ATP9B: variants seen among roughly 807,000 people sequenced by gnomAD.
The protein encoded by ATP9B is probable phospholipid-transporting ATPase IIB.
Under a neutral mutation model 146.1 loss-of-function variants are expected in ATP9B, and 110 were observed. That is an observed-to-expected ratio of 0.75 (90% confidence interval 0.65 to 0.88). ATP9B has a LOEUF of 0.88. Among genes scored for constraint, ATP9B ranks in the 40% least tolerant of loss-of-function variants. The pLI is 0.00. For missense variants in ATP9B, 1,499 were observed against 1,496.4 expected (o/e 1.00, Z -0.03); for synonymous variants, 604 against 569.7 (o/e 1.06, Z -0.86).
At chr18:79,097,483 ATTTTTTAT>A (rs1365208214) in intron 2 of ATP9B, among the ~76,000 whole-genome samples, 5 of 143,422 alleles carry the variant, frequency 3.5e-5, no homozygotes, top group African/African-American at 1.3e-4. Context: ...AATTTTTTTA[ATTTTTTAT>A]TTTTTTATTT....
chr18:79,284,143 G>A (rs2096408898), intron 13 of ATP9B, among the ~76,000 whole-genome samples: 1 of 152,172 alleles, frequency 6.6e-6, no homozygotes, highest in South Asian at 2.1e-4. Flanking sequence ...AGTTTGTAAG[G>A]GCAGGCAAGC....
chr18:79,233,680 G>C (rs977697471), intron 11 of ATP9B, among the ~76,000 whole-genome samples: 3 of 152,300 alleles, frequency 2.0e-5, no homozygotes, highest in East Asian at 1.9e-4. Flanking sequence ...AGGAAATACA[G>C]TTGACCAATG....
At chr18:79,348,776 G>A (rs2096906473) in intron 25 of ATP9B, among the ~76,000 whole-genome samples, 1 of 152,240 alleles carries the variant, frequency 6.6e-6, no homozygotes, top group East Asian at 1.9e-4. Flanking sequence ...GAGGTCAGGA[G>A]TTCGAGACCA....
chr18:79,302,121 G>T (rs969263138), intron 13 of ATP9B, among the ~76,000 whole-genome samples: 1 of 152,168 alleles, frequency 6.6e-6, no homozygotes, highest in African/African-American at 2.4e-5. Context: ...TGGATATTTT[G>T]CAACCATAAA....
In ATP9B at chr18:79,239,958, G is replaced by A. The variant is rs967635670; in HGVS notation, c.1108-13423G>A. On this transcript the variant is annotated intron_variant, in intron 11 of 29. Coordinates refer to ENST00000426216, the MANE Select transcript of ATP9B (RefSeq NM_198531.5). The surrounding 1 kb of genome is among the most constrained non-coding windows in gnomAD (Gnocchi z 5.1). Reference sequence around the variant, plus strand: ...TCAGCGGTGACCAGCAGATCACCACGCCTCAGGGGCCCCACACCCGCGGTC... The same window carrying A: ...TCAGCGGTGACCAGCAGATCACCACACCTCAGGGGCCCCACACCCGCGGTC... Among the ~76,000 whole-genome samples, 19 of 152,188 alleles carry A rather than the reference G, an allele frequency of 1.2e-4. No individual in the cohort carries two copies. Among genetic ancestry groups the A allele is most frequent in the African/African-American group, 4.1e-4 (17 of 41,460 alleles).
At chr18:79,085,433 G>C (rs1381492446) in intron 1 of ATP9B, 2 of 152,150 alleles carry the variant, frequency 1.3e-5, no homozygotes, top group African/African-American at 4.8e-5. Context: ...AGATGTTACG[G>C]TTTTCATATG....
intron 11 of ATP9B, among the ~76,000 whole-genome samples, chr18:79,217,857 AATCTC>A (rs2095642353): frequency 6.6e-6 from 1 of 152,234 alleles, no homozygotes; most frequent in Non-Finnish European, 1.5e-5. Flanking sequence ...GTACAGGGGA[AATCTC>A]ATCTCATCCT....
At chr18:79,301,615 T>C (rs982980037) in intron 13 of ATP9B, among the ~76,000 whole-genome samples, 11 of 152,194 alleles carry the variant, frequency 7.2e-5, no homozygotes, top group African/African-American at 2.7e-4. Context: ...TTAACAAGAG[T>C]AGCATGACAA....
intron 26 of ATP9B, chr18:79,361,910 C>CAA (rs1295632862): frequency 1.8e-6 from 1 of 571,092 alleles, no homozygotes; most frequent in Non-Finnish European, 2.2e-6. Flanking sequence ...GCCCTGCTCT[C>CAA]AACAAGTCTG....
intron 12 of ATP9B, among the ~76,000 whole-genome samples, chr18:79,261,534 A>G (rs1332014919): frequency 1.3e-5 from 2 of 151,756 alleles, no homozygotes; most frequent in African/African-American, 2.4e-5. Context: ...AGAGCAGCCC[A>G]CCTCCACCCT....
At chr18:79,195,152 G>T (rs1020028952) in intron 9 of ATP9B, among the ~76,000 whole-genome samples, 3 of 152,156 alleles carry the variant, frequency 2.0e-5, no homozygotes, top group African/African-American at 7.2e-5. Flanking sequence ...ACTTCATTGT[G>T]CCTGTAGAAG....
At chr18:79,333,830 G>A (rs978202344) in intron 17 of ATP9B, among the ~76,000 whole-genome samples, 1 of 152,210 alleles carries the variant, frequency 6.6e-6, no homozygotes, top group African/African-American at 2.4e-5. Context: ...TCAGGAAGAT[G>A]TGATTACCAC....
At chr18:79,334,177 G>A (rs1181752244) in intron 17 of ATP9B, among the ~76,000 whole-genome samples, 1 of 152,116 alleles carries the variant, frequency 6.6e-6, no homozygotes, top group African/African-American at 2.4e-5. Flanking sequence ...CCAACATGGT[G>A]AAACCCCGTC....
chr18:79,311,435 C>T (rs1025450959), intron 15 of ATP9B, among the ~76,000 whole-genome samples: 10 of 152,088 alleles, frequency 6.6e-5, no homozygotes, highest in African/African-American at 2.2e-4. Flanking sequence ...TCCCCTGATA[C>T]GGTGACCTCA....
chr18:79,260,554 G>T (rs1357681546), intron 12 of ATP9B, among the ~76,000 whole-genome samples: 1 of 152,214 alleles, frequency 6.6e-6, no homozygotes, highest in Non-Finnish European at 1.5e-5. Flanking sequence ...TTTTCTGATA[G>T]TGTGGACTCT....
intron 17 of ATP9B, among the ~76,000 whole-genome samples, chr18:79,331,561 A>G (rs551164410): frequency 3.3e-5 from 5 of 152,260 alleles, no homozygotes; most frequent in South Asian, 2.1e-4. Flanking sequence ...CCCTTCACCA[A>G]TGTCTTTGTT....
At chr18:79,167,683 G>C (rs1329193542) in intron 7 of ATP9B, among the ~76,000 whole-genome samples, 1 of 152,190 alleles carries the variant, frequency 6.6e-6, no homozygotes, top group Non-Finnish European at 1.5e-5. Context: ...TCCATGGGCA[G>C]CCATGGGCGG....
chr18:79,334,269 A>G (rs2096807927), intron 17 of ATP9B, among the ~76,000 whole-genome samples: 1 of 152,072 alleles, frequency 6.6e-6, no homozygotes, highest in South Asian at 2.1e-4. Flanking sequence ...AGGCAGGAGA[A>G]TGGCATGAAC....
intron 4 of ATP9B, among the ~76,000 whole-genome samples, chr18:79,118,313 G>C (rs1047422457): frequency 1.4e-5 from 2 of 143,376 alleles, no homozygotes; most frequent in African/African-American, 5.1e-5. Flanking sequence ...AATAAAAGCA[G>C]TATAGCATTA....
Sources: allele counts gnomAD v4.1 joint callset (sites outside exome capture counted in the v4.1 genomes callset), GRCh38; gene constraint gnomAD v4.1.1; non-coding constraint Gnocchi (gnomAD v3.1); transcripts MANE v1.5; gene names NCBI Gene and HGNC (gene_info 2026-07-23, HGNC 2026-07-21).